The following BBX variants were observed in gnomAD, a reference collection of about 807,000 sequenced individuals.
The protein encoded by BBX is BBX high mobility group box domain containing.
BBX carries 30 observed loss-of-function variants against 100.2 expected under a neutral mutation model. The ratio of observed to expected loss-of-function variants is 0.30; its 90% CI spans 0.22 to 0.41. The LOEUF is 0.41. Ranked by LOEUF, BBX falls within the 10% of genes least tolerant of loss-of-function variation. The probability of loss-of-function intolerance (pLI) is 1.00; values close to 1 mark genes in which losing one functional copy is unlikely to be tolerated. For missense variants in BBX, 1,023 were observed against 1,129.8 expected (o/e 0.91, Z 1.35); for synonymous variants, 376 against 388.1 (o/e 0.97, Z 0.37).
intron 2 of BBX, among the ~76,000 whole-genome samples, chr3:107,529,697 C>T (rs567165877): frequency 5.2e-4 from 79 of 152,296 alleles, no homozygotes; most frequent in African/African-American, 1.7e-3. Flanking sequence ...ATTACAACTT[C>T]GCTCAATGTT....
chr3:107,629,411 T>G (rs2056408047), intron 2 of BBX, among the ~76,000 whole-genome samples: 1 of 152,200 alleles, frequency 6.6e-6, no homozygotes, highest in African/African-American at 2.4e-5. Context: ...AAGCTGTCCC[T>G]AAATTAGTAC....
intron 2 of BBX, among the ~76,000 whole-genome samples, chr3:107,541,989 T>G: frequency 6.6e-6 from 1 of 152,140 alleles, no homozygotes; most frequent in East Asian, 1.9e-4. Flanking sequence ...GGATAGTTTT[T>G]CTTTTTAAAC....
intron 3 of BBX, among the ~76,000 whole-genome samples, chr3:107,658,544 G>A (rs1279500252): frequency 6.6e-6 from 1 of 152,144 alleles, no homozygotes; most frequent in Non-Finnish European, 1.5e-5. Flanking sequence ...GCCCTTTGGA[G>A]TATTTGGGCC....
rs1319931610 is a variant in BBX, at chr3:107,568,287, T to TG, written c.-84+41891dup. Among the ~76,000 whole-genome samples the TG allele has an allele frequency of 2.1e-5, 3 of 141,628 alleles. No individual in the cohort carries two copies. In the East Asian group the frequency reaches 6.0e-4, roughly 28 times the overall value. 92.9% of individuals were successfully genotyped at this position (141,628 alleles called of 152,430 possible). On this transcript the variant is annotated intron_variant, in intron 2 of 17. Transcript: ENST00000325805. Reference sequence around the variant, plus strand: ...GCTATTTTTTTTTTTTTTTTTGAGATGGAGTCTTGCTCTGTCGCCCAGGCT... The same window carrying TG: ...GCTATTTTTTTTTTTTTTTTTGAGATGGGAGTCTTGCTCTGTCGCCCAGGCT...
At chr3:107,741,196 C>G (rs2064074322) in intron 7 of BBX, among the ~76,000 whole-genome samples, 1 of 151,968 alleles carries the variant, frequency 6.6e-6, no homozygotes, top group Admixed American at 6.6e-5. Context: ...AAAGTAAGGA[C>G]AGGCTCATGA....
At chr3:107,587,363 A>AT (rs2052931681) in intron 2 of BBX, among the ~76,000 whole-genome samples, 1 of 151,100 alleles carries the variant, frequency 6.6e-6, no homozygotes, top group Non-Finnish European at 1.5e-5. Context: ...AAAAAAAAAA[A>AT]GGAGTGAAAT....
At chr3:107,699,751 C>G (rs762750049) in intron 3 of BBX, among the ~76,000 whole-genome samples, 1 of 151,912 alleles carries the variant, frequency 6.6e-6, no homozygotes, top group Non-Finnish European at 1.5e-5. Context: ...TGTCTAGTTT[C>G]TATTCACCAG....
At chr3:107,602,397 C>T (rs1439655621) in intron 2 of BBX, among the ~76,000 whole-genome samples, 3 of 152,124 alleles carry the variant, frequency 2.0e-5, no homozygotes, top group African/African-American at 7.2e-5. Context: ...TGGAAAGATT[C>T]ACCATTCTAG....
intron 2 of BBX, among the ~76,000 whole-genome samples, chr3:107,601,158 A>ATT (rs1361433963): frequency 6.6e-6 from 1 of 152,178 alleles, no homozygotes. Context: ...CTTAATTGGT[A>ATT]AAAGTTGTGT....
At chr3:107,644,232 G>C (rs1576148421) in intron 2 of BBX, among the ~76,000 whole-genome samples, 1 of 151,874 alleles carries the variant, frequency 6.6e-6, no homozygotes, top group South Asian at 2.1e-4. Context: ...GGATGTATAG[G>C]GTATTTTATT....
chr3:107,737,884 G>GTTTTTTTTTTTTTT (rs1156396951), intron 7 of BBX, among the ~76,000 whole-genome samples: 4 of 48,900 alleles, frequency 8.2e-5, no homozygotes, highest in Non-Finnish European at 1.4e-4. Flanking sequence ...CAGAGTTCCA[G>GTTTTTTTTTTTTTT]TTTTTTTTTT....
Position 107,773,708 on chromosome 3 carries a change from C to T in BBX, c.1915+72C>T. 7.4e-7 allele frequency: 1 copy of T among 1,358,028 alleles called. No individual in the cohort carries two copies. Among genetic ancestry groups the T allele is most frequent in the Admixed American group, 2.6e-5 (1 of 38,270 alleles). The allele number at this position is 1,358,028 out of a possible 1,614,324, so 84.1% of individuals were successfully genotyped here. ...ATTTCACCTTTAGACCTATTGAAAA[C>T]AACTGCCATAAAAAACAATATGGTA... On this transcript the variant is annotated intron_variant, in intron 11 of 17. Coordinates refer to ENST00000325805, the MANE Select transcript of BBX (RefSeq NM_001142568.3). The surrounding 1 kb of genome is among the most constrained non-coding windows in gnomAD (Gnocchi z 4.1).
intron 2 of BBX, among the ~76,000 whole-genome samples, chr3:107,622,306 A>G (rs1384979670): frequency 1.3e-5 from 2 of 152,082 alleles, no homozygotes; most frequent in African/African-American, 4.8e-5. Flanking sequence ...GTAGTTCGTT[A>G]TATGTAACTA....
intron 13 of BBX, 117 bp from the exon 14 acceptor site, chr3:107,789,670 T>G: frequency 2.3e-5 from 16 of 683,534 alleles, no homozygotes; most frequent in Non-Finnish European, 3.3e-5. Flanking sequence ...TGACATTTAT[T>G]GAGATTCAAT....
chr3:107,733,086 CTGTTT>C lies in BBX; in HGVS notation c.669+64_669+68del, dbSNP rs2063411924. On this transcript the variant is annotated intron_variant, in intron 7 of 17. Transcript: ENST00000325805. Reference sequence around the variant, plus strand: ...TGTGGGTTGGGAACACAGTTATAGTCTGTTTACGTTGTTCATTCTGCATTTTCACT... The same window carrying C: ...TGTGGGTTGGGAACACAGTTATAGTCACGTTGTTCATTCTGCATTTTCACT... 5 of 1,416,030 alleles carry C rather than the reference CTGTTT, an allele frequency of 3.5e-6. No individual in the cohort carries two copies. The East Asian group carries it at 1.2e-4, about 33-fold the overall frequency. The allele number at this position is 1,416,030 out of a possible 1,614,324, so 87.7% of individuals were successfully genotyped here.
chr3:107,553,412 A>G (rs1312522000), intron 2 of BBX, among the ~76,000 whole-genome samples: 6 of 152,300 alleles, frequency 3.9e-5, no homozygotes, highest in Admixed American at 6.5e-5. Flanking sequence ...TTCTAACTCT[A>G]GAGGCTAAGT....
At chr3:107,685,653 G>T (rs2059806577) in intron 3 of BBX, among the ~76,000 whole-genome samples, 1 of 152,146 alleles carries the variant, frequency 6.6e-6, no homozygotes, top group South Asian at 2.1e-4. Context: ...TGCCTTACAG[G>T]CATTCTCCCT....
intron 2 of BBX, among the ~76,000 whole-genome samples, chr3:107,608,342 A>G (rs1037564969): frequency 6.6e-6 from 1 of 151,994 alleles, no homozygotes; most frequent in African/African-American, 2.4e-5. Context: ...TCCCCAGTGT[A>G]TGTTCTTGGT....
chr3:107,602,528 G>A (rs1576458324), intron 2 of BBX, among the ~76,000 whole-genome samples: 1 of 152,298 alleles, frequency 6.6e-6, no homozygotes, highest in East Asian at 1.9e-4. Flanking sequence ...ATCAGCCTGG[G>A]CAACATAGTG....
Sources: allele counts gnomAD v4.1 joint callset (sites outside exome capture counted in the v4.1 genomes callset), GRCh38; gene constraint gnomAD v4.1.1; non-coding constraint Gnocchi (gnomAD v3.1); transcripts MANE v1.5; gene names NCBI Gene and HGNC (gene_info 2026-07-23, HGNC 2026-07-21).